PLPPR1: variants seen among roughly 807,000 people sequenced by gnomAD.
PLPPR1 encodes phospholipid phosphatase related 1.
Under a neutral mutation model 33.1 loss-of-function variants are expected in PLPPR1, and 10 were observed. The observed-to-expected ratio is 0.30, with a 90% CI of 0.19 to 0.51. The LOEUF (loss-of-function observed/expected upper bound fraction) is 0.51. Ranked by LOEUF, PLPPR1 falls within the 20% of genes least tolerant of loss-of-function variation. The pLI, the probability that PLPPR1 is intolerant of heterozygous loss-of-function variation, is 0.97. For missense variants in PLPPR1, 304 were observed against 408.1 expected (o/e 0.74, Z 2.20); for synonymous variants, 151 against 151.0 (o/e 1.00, Z 0.00).
chr9:101,130,383 A>G (rs1376909359), intron 1 of PLPPR1, among the ~76,000 whole-genome samples: 5 of 152,176 alleles, frequency 3.3e-5, no homozygotes, highest in Non-Finnish European at 7.3e-5. Context: ...GCATAACCCC[A>G]GGAAAGTTAC....
At chr9:101,200,165 A>G (rs1588069395) in intron 2 of PLPPR1, among the ~76,000 whole-genome samples, 1 of 152,104 alleles carries the variant, frequency 6.6e-6, no homozygotes, top group East Asian at 1.9e-4. Flanking sequence ...TCAACTAAAG[A>G]AGGAGGGGTG....
intron 1 of PLPPR1, among the ~76,000 whole-genome samples, chr9:101,178,088 G>A (rs1251332830): frequency 6.6e-6 from 1 of 152,176 alleles, no homozygotes; most frequent in Non-Finnish European, 1.5e-5. Flanking sequence ...CTTACCAATG[G>A]GTCACCTCAG....
rs537039077 is a variant in PLPPR1, at chr9:101,077,718, C to A, written c.-46+48616C>A. Among the ~76,000 whole-genome samples the A allele has an allele frequency of 2.6e-5, 4 of 152,192 alleles. No individual in the cohort carries two copies. In the South Asian group the frequency reaches 6.2e-4, roughly 24 times the overall value. On this transcript the variant is annotated intron_variant, in intron 1 of 7. Coordinates refer to ENST00000374874, the MANE Select transcript of PLPPR1 (RefSeq NM_207299.2). ...CAAAGTGGGGAAAGACCTTCAGAGT[C>A]ATCCCAAATTGAGGCAAGGGAGCTG...
intron 2 of PLPPR1, among the ~76,000 whole-genome samples, chr9:101,263,971 C>A (rs1564020657): frequency 6.6e-6 from 1 of 152,046 alleles, no homozygotes; most frequent in Non-Finnish European, 1.5e-5. Flanking sequence ...TATGGAGGAC[C>A]TCCATCCCCT....
intron 1 of PLPPR1, among the ~76,000 whole-genome samples, chr9:101,169,389 G>A (rs938685173): frequency 6.6e-6 from 1 of 152,032 alleles, no homozygotes; most frequent in Non-Finnish European, 1.5e-5. Context: ...TAAACAATAA[G>A]AACAATTTTA....
intron 1 of PLPPR1, among the ~76,000 whole-genome samples, chr9:101,032,937 G>A (rs968431898): frequency 2.0e-5 from 3 of 152,198 alleles, no homozygotes; most frequent in African/African-American, 7.2e-5. Context: ...TAGTAGTATG[G>A]CAGTGTGTAT....
intron 1 of PLPPR1, among the ~76,000 whole-genome samples, chr9:101,084,425 T>C (rs1407525570): frequency 6.6e-6 from 1 of 152,230 alleles, no homozygotes; most frequent in African/African-American, 2.4e-5. Context: ...TGATGATTTA[T>C]TTAATGCTGC....
chr9:101,298,335 G>C (rs1361067870), intron 4 of PLPPR1, among the ~76,000 whole-genome samples: 1 of 152,098 alleles, frequency 6.6e-6, no homozygotes, highest in African/African-American at 2.4e-5. Context: ...AGGTAGCACT[G>C]GACAGACTAA....
chr9:101,301,431 G>T (rs868597846), intron 4 of PLPPR1, among the ~76,000 whole-genome samples: 4 of 152,228 alleles, frequency 2.6e-5, no homozygotes, highest in Middle Eastern at 3.4e-3. Context: ...TGTTTTTTAT[G>T]ATTTGAATAA....
At chr9:101,096,917 T>G (rs1248997367) in intron 1 of PLPPR1, among the ~76,000 whole-genome samples, 2 of 151,732 alleles carry the variant, frequency 1.3e-5, no homozygotes, top group African/African-American at 4.8e-5. Context: ...AATTTAAAAC[T>G]TAGCCAGATG....
At chr9:101,075,453 A>G (rs1349000328) in intron 1 of PLPPR1, among the ~76,000 whole-genome samples, 1 of 152,202 alleles carries the variant, frequency 6.6e-6, no homozygotes, top group East Asian at 1.9e-4. Context: ...TAACTTTCTA[A>G]TTACAAATGA....
intron 1 of PLPPR1, among the ~76,000 whole-genome samples, chr9:101,110,776 G>A (rs1382963025): frequency 6.6e-6 from 1 of 152,068 alleles, no homozygotes; most frequent in East Asian, 1.9e-4. Context: ...AAATATAGGT[G>A]TTTGCTTTTT....
At chr9:101,113,639 C>CA (rs1242638610) in intron 1 of PLPPR1, among the ~76,000 whole-genome samples, 11 of 151,510 alleles carry the variant, frequency 7.3e-5, no homozygotes, top group Middle Eastern at 6.8e-3. Context: ...AACAAAAAAA[C>CA]AAAAAACAAA....
intron 1 of PLPPR1, among the ~76,000 whole-genome samples, chr9:101,122,652 T>C (rs1479377817): frequency 6.6e-6 from 1 of 152,218 alleles, no homozygotes; most frequent in Non-Finnish European, 1.5e-5. Flanking sequence ...AAGATTTCTG[T>C]AGCTAATCAG....
intron 1 of PLPPR1, among the ~76,000 whole-genome samples, chr9:101,040,356 T>G (rs1830061667): frequency 6.6e-6 from 1 of 152,168 alleles, no homozygotes; most frequent in East Asian, 1.9e-4. Context: ...ACTTACTCAG[T>G]GCTGGAATCT....
chr9:101,059,923 A>T (rs1830324175), intron 1 of PLPPR1, among the ~76,000 whole-genome samples: 1 of 152,112 alleles, frequency 6.6e-6, no homozygotes, highest in Non-Finnish European at 1.5e-5. Flanking sequence ...TTTAAAAATT[A>T]TCTAAAAATA....
intron 2 of PLPPR1, among the ~76,000 whole-genome samples, chr9:101,242,353 T>C (rs1827490874): frequency 6.6e-6 from 1 of 151,786 alleles, no homozygotes; most frequent in Non-Finnish European, 1.5e-5. Flanking sequence ...ATTCAACCTC[T>C]CAGTGAGAGA....
chr9:101,301,459 G>A (rs910013485), intron 4 of PLPPR1, among the ~76,000 whole-genome samples: 8 of 152,088 alleles, frequency 5.3e-5, no homozygotes, highest in Admixed American at 4.6e-4. Flanking sequence ...GTGATACAAG[G>A]CATACTTATA....
At chr9:101,211,398 A>G (rs192790944) in intron 2 of PLPPR1, among the ~76,000 whole-genome samples, 37 of 152,320 alleles carry the variant, frequency 2.4e-4, no homozygotes, top group African/African-American at 8.4e-4. Context: ...CAAATCAAAA[A>G]ATATGAAACA....
Sources: gnomAD v4.1 joint callset for allele counts (sites outside exome capture counted in the v4.1 genomes callset) on GRCh38, gnomAD v4.1.1 for gene constraint, MANE v1.5 for transcripts, NCBI Gene and HGNC (gene_info 2026-07-23, HGNC 2026-07-21) for gene names.